The following NELL2 variants were observed in gnomAD, a reference collection of about 807,000 sequenced individuals.
NELL2 encodes neural EGFL like 2.
In NELL2, 41 loss-of-function variants were observed where a neutral mutation model predicts 109.6. That is an observed-to-expected ratio of 0.37 (90% confidence interval 0.29 to 0.49). NELL2 has a LOEUF of 0.49. NELL2 is among the 20% of genes least tolerant of loss of function. NELL2 has a pLI of 0.98. For synonymous variants in NELL2, 355 were observed against 344.7 expected (o/e 1.03, Z -0.33); for missense variants, 900 against 1,008.3 (o/e 0.89, Z 1.45).
intron 9 of NELL2, among the ~76,000 whole-genome samples, chr12:44,721,137 T>G (rs1938748224): frequency 6.6e-6 from 1 of 152,230 alleles, no homozygotes; most frequent in Admixed American, 6.5e-5. Flanking sequence ...CACACGCTAT[T>G]GCTGTAAGCA....
chr12:44,843,076 T>C (rs1259530073), intron 2 of NELL2, among the ~76,000 whole-genome samples: 1 of 152,060 alleles, frequency 6.6e-6, no homozygotes, highest in Non-Finnish European at 1.5e-5. Flanking sequence ...AAACCAAAAC[T>C]TCTGTTCATC....
intron 13 of NELL2, among the ~76,000 whole-genome samples, chr12:44,621,923 G>C (rs867469994): frequency 6.8e-6 from 1 of 147,400 alleles, no homozygotes; most frequent in Non-Finnish European, 1.5e-5. Context: ...TTCACGTAGC[G>C]CTTCATGAGT....
At chr12:44,920,463 A>T (rs1766577335) in intron 1 of NELL2, among the ~76,000 whole-genome samples, 1 of 152,190 alleles carries the variant, frequency 6.6e-6, no homozygotes, top group Non-Finnish European at 1.5e-5. Flanking sequence ...TTATTCACTT[A>T]ATTACAACCT....
At chr12:44,814,102 T>C (rs967675180) in intron 3 of NELL2, among the ~76,000 whole-genome samples, 1 of 152,180 alleles carries the variant, frequency 6.6e-6, no homozygotes, top group Admixed American at 6.5e-5. Context: ...GGACTCACAG[T>C]TGAGGGAAAC....
At chr12:44,883,590 A>G (rs1592702628) in intron 1 of NELL2, among the ~76,000 whole-genome samples, 1 of 152,152 alleles carries the variant, frequency 6.6e-6, no homozygotes, top group East Asian at 1.9e-4. Context: ...TCTCCTGGCT[A>G]CCACAATGAT....
At chr12:44,906,075 T>A (rs571135825) in intron 1 of NELL2, among the ~76,000 whole-genome samples, 1 of 152,166 alleles carries the variant, frequency 6.6e-6, no homozygotes, top group African/African-American at 2.4e-5. Flanking sequence ...GGGTGTTTAG[T>A]AATGGTCTCA....
intron 19 of NELL2, among the ~76,000 whole-genome samples, chr12:44,518,695 A>C (rs1941390703): frequency 6.6e-6 from 1 of 152,210 alleles, no homozygotes; most frequent in African/African-American, 2.4e-5. Context: ...TCAGAAGAAT[A>C]ATCTCACAGA....
intron 3 of NELL2, among the ~76,000 whole-genome samples, chr12:44,801,611 T>A (rs1942831918): frequency 6.6e-6 from 1 of 152,136 alleles, no homozygotes; most frequent in African/African-American, 2.4e-5. Flanking sequence ...CAGGGTCCCA[T>A]TTCCTTGTCT....
rs1435503570 is a variant in NELL2, at chr12:44,523,045, G to T, written c.1998+246C>A. 3 of 516,544 alleles carry T rather than the reference G, an allele frequency of 5.8e-6. No homozygotes were observed. In the Admixed American group the frequency reaches 9.7e-5, roughly 17 times the overall value. 32.0% of individuals were successfully genotyped at this position (516,544 alleles called of 1,614,324 possible). Reference sequence around the variant, plus strand: ...TACTATAAAACTCCATTTATATGAGGCTCTAGAAAATACAAATTTAATCAA... The same window carrying T: ...TACTATAAAACTCCATTTATATGAGTCTCTAGAAAATACAAATTTAATCAA... On this transcript the variant is annotated intron_variant, in intron 17 of 19. Transcript: ENST00000429094.
intron 15 of NELL2, among the ~76,000 whole-genome samples, chr12:44,585,466 G>A (rs1944458799): frequency 6.6e-6 from 1 of 152,050 alleles, no homozygotes; most frequent in Admixed American, 6.5e-5. Context: ...TCTGGGTGTG[G>A]TGGTGGGGGC....
chr12:44,570,345 T>G (rs1565943764), intron 15 of NELL2, among the ~76,000 whole-genome samples: 1 of 152,178 alleles, frequency 6.6e-6, no homozygotes, highest in East Asian at 1.9e-4. Context: ...TGCTCCACCA[T>G]GTAGCCCTGT....
At chr12:44,787,665 AT>A (rs1002888576) in intron 3 of NELL2, among the ~76,000 whole-genome samples, 1 of 152,096 alleles carries the variant, frequency 6.6e-6, no homozygotes, top group Non-Finnish European at 1.5e-5. Flanking sequence ...TGACCAACTG[AT>A]TTTTTTACAA....
At chr12:44,577,923 T>C (rs1021039524) in intron 15 of NELL2, among the ~76,000 whole-genome samples, 5 of 152,152 alleles carry the variant, frequency 3.3e-5, no homozygotes, top group Non-Finnish European at 7.3e-5. Flanking sequence ...TTACACCAAG[T>C]GGAGGTAATT....
At chr12:44,623,142 A>C (rs1946117344) in intron 13 of NELL2, among the ~76,000 whole-genome samples, 1 of 152,144 alleles carries the variant, frequency 6.6e-6, no homozygotes, top group Admixed American at 6.6e-5. Context: ...CAAGATGAGT[A>C]AGGCAGAATT....
At chr12:44,758,557 T>C (rs1163168566) in intron 9 of NELL2, among the ~76,000 whole-genome samples, 3 of 152,182 alleles carry the variant, frequency 2.0e-5, no homozygotes, top group African/African-American at 7.2e-5. Flanking sequence ...GGGGTCAAAA[T>C]ATGAAACACC....
chr12:44,550,546 CATAAATAA>C (rs61282621), intron 15 of NELL2, among the ~76,000 whole-genome samples: 2,378 of 139,038 alleles, frequency 0.017, 24 homozygotes, highest in Middle Eastern at 0.021. Context: ...TCCATCTCAA[CATAAATAA>C]ATAAATAAAT....
At chr12:44,610,223 C>T (rs1034510922) in intron 14 of NELL2, among the ~76,000 whole-genome samples, 9 of 148,482 alleles carry the variant, frequency 6.1e-5, no homozygotes, top group Non-Finnish European at 1.2e-4. Context: ...CAGTAGCCTC[C>T]GACAGCTCAC....
chr12:44,619,122 C>A (rs1379427782), intron 13 of NELL2, among the ~76,000 whole-genome samples: 1 of 152,108 alleles, frequency 6.6e-6, no homozygotes. Context: ...ACAGGCCGAA[C>A]AGGTGGCTCT....
chr12:44,913,980 A>G (rs1566618201), upstream of NELL2: 4 of 347,344 alleles, frequency 1.2e-5, no homozygotes, highest in South Asian at 8.1e-5. Flanking sequence ...CCCACATCCA[A>G]TTGCTCAGTA....
Sources: allele counts gnomAD v4.1 joint callset (sites outside exome capture counted in the v4.1 genomes callset), GRCh38; gene constraint gnomAD v4.1.1; transcripts MANE v1.5; gene names NCBI Gene and HGNC (gene_info 2026-07-23, HGNC 2026-07-21).